Variants in GRSF1 observed in about 807,000 individuals in gnomAD.
GRSF1 encodes G-rich sequence factor 1.
Under a neutral mutation model 51.1 loss-of-function variants are expected in GRSF1, and 50 were observed. The ratio of observed to expected loss-of-function variants is 0.98; its 90% CI spans 0.78 to 1.24. The LOEUF (loss-of-function observed/expected upper bound fraction) is 1.24, where lower values mean the gene tolerates loss of function less well. GRSF1 is among the 50% of genes most tolerant of loss of function. The pLI is 0.00. For missense variants in GRSF1, 700 were observed against 639.7 expected, an observed-to-expected ratio of 1.09 and a Z score of -1.02; for synonymous variants, 293 against 253.3, an observed-to-expected ratio of 1.16 and a Z score of -1.49.
intron 5 of GRSF1, among the ~76,000 whole-genome samples, chr4:70,830,873 CTGT>C (rs1733937078): frequency 6.6e-6 from 1 of 151,470 alleles, no homozygotes; most frequent in South Asian, 2.1e-4. Context: ...CTATTATGAA[CTGT>C]TATTAGATAA....
chr4:70,818,676 A>C lies in GRSF1; in HGVS notation c.*2211T>G, dbSNP rs899043410. The C allele has an allele frequency of 6.6e-6, 1 of 152,242 alleles. No individual in the cohort carries two copies. The highest frequency in any genetic ancestry group is 1.5e-5 in the Non-Finnish European group (1 of 68,054). 9.4% of individuals were successfully genotyped at this position (152,242 alleles called of 1,614,324 possible). A position where few individuals can be genotyped will look rare whatever the true frequency, so the allele number is the denominator to read the frequency against. On this transcript the variant is annotated 3_prime_UTR_variant, in exon 10 of 10. Transcript: ENST00000254799. ...CTGGTATTTACATACTGCTTCTCAG[A>C]GTTCTCCCTTGCACTCCGTAAGCAG...
In GRSF1 at chr4:70,816,998, A is replaced by G. The variant is rs1423948717; in HGVS notation, c.*3889T>C. 2 of 152,144 alleles carry G rather than the reference A, an allele frequency of 1.3e-5. No homozygotes were observed. Among genetic ancestry groups the G allele is most frequent in the Middle Eastern group, 3.2e-3 (1 of 316 alleles). The allele number at this position is 152,144 out of a possible 1,614,324, so 9.4% of individuals were successfully genotyped here. A position where few individuals can be genotyped will look rare whatever the true frequency, so the allele number is the denominator to read the frequency against. On this transcript the variant is annotated 3_prime_UTR_variant, in exon 10 of 10. Coordinates refer to ENST00000254799, the MANE Select transcript of GRSF1 (RefSeq NM_002092.4). ...CAAAATAGCATGTACAGTATAATTT[A>G]TATTTTTAAAAGAAATGACAACACC...
chr4:70,839,135 G>A (rs747074914), intron 1 of GRSF1: 16 of 1,312,718 alleles, frequency 1.2e-5, no homozygotes, highest in South Asian at 9.9e-5. Flanking sequence ...CGGAAAGCAA[G>A]AAGATGCGAG....
Position 70,839,878 on chromosome 4 carries a change from G to A in GRSF1, c.-51C>T, listed in dbSNP as rs1734399722. The A allele has an allele frequency of 4.2e-6, 6 of 1,421,882 alleles. No homozygotes were observed. Among genetic ancestry groups the A allele is most frequent in the Non-Finnish European group, 2.7e-6 (3 of 1,095,654 alleles). The allele number at this position is 1,421,882 out of a possible 1,614,324, so 88.1% of individuals were successfully genotyped here. On this transcript the variant is annotated 5_prime_UTR_variant, in exon 1 of 10. Coordinates refer to ENST00000254799, the MANE Select transcript of GRSF1 (RefSeq NM_002092.4). Reference sequence around the variant, plus strand: ...GAAGGCAGCTGCTCCAGCAGCGATGGTGGAACGGAAGTGGAATCCAGGGCC... The same window carrying A: ...GAAGGCAGCTGCTCCAGCAGCGATGATGGAACGGAAGTGGAATCCAGGGCC...
In GRSF1 at chr4:70,833,156, T is replaced by C. The variant is rs754537420; in HGVS notation, c.632A>G (p.Glu211Gly). The change falls in exon 3 of 10, where the codon GAG becomes GGG. Residue 211 changes from glutamate to glycine, a missense_variant. Glu to Gly is a moderately conservative substitution (Grantham distance 98). Transcript: ENST00000254799. ...ESEQDVQKAL[E>G]KHRMYMGQRY... is the part of the protein sequence containing the mutation. ...CTGGCCCATGTACATGCGGTGCTTCTCTAAGGCTTTCTGCACATCCTGCTC... is the reference window on the plus strand; with the variant it reads ...CTGGCCCATGTACATGCGGTGCTTCCCTAAGGCTTTCTGCACATCCTGCTC... 7.4e-6 allele frequency: 12 copies of C among 1,613,884 alleles called. No homozygotes were observed. Among genetic ancestry groups the C allele is most frequent in the Non-Finnish European group, 1.0e-5 (12 of 1,179,872 alleles).
In GRSF1 at chr4:70,830,445, T is replaced by C. The variant is rs1243818840; in HGVS notation, c.950+1094A>G. 3.5e-5 allele frequency among the ~76,000 whole-genome samples: 5 copies of C among 142,330 alleles called. No individual in the cohort carries two copies. In the South Asian group the frequency reaches 6.8e-4, roughly 19 times the overall value. 93.4% of individuals were successfully genotyped at this position (142,330 alleles called of 152,430 possible). ...GGGTGACAGAATAAGACCCTGTGTCTTAAAAAAAAAAAAAAAACACACACA... is the reference window on the plus strand; with the variant it reads ...GGGTGACAGAATAAGACCCTGTGTCCTAAAAAAAAAAAAAAAACACACACA... On this transcript the variant is annotated intron_variant, in intron 5 of 9. Coordinates refer to ENST00000254799, the MANE Select transcript of GRSF1 (RefSeq NM_002092.4).
intron 9 of GRSF1, among the ~76,000 whole-genome samples, chr4:70,821,409 G>C (rs777863568): frequency 1.4e-5 from 2 of 145,808 alleles, no homozygotes; most frequent in Non-Finnish European, 3.0e-5. Flanking sequence ...TGGGCAACGA[G>C]AGAAACTCCG....
chr4:70,839,514 G>T lies in GRSF1; in HGVS notation c.314C>A (p.Ser105Ter). ...SALRASLLPQ[S>*]LAAAAAVPTR... ...CGGGACGGCGGCCGCCGCCGCCAGCGACTGCGGCAGCAGAGAGGCACGGAG... is the reference window on the plus strand; with the variant it reads ...CGGGACGGCGGCCGCCGCCGCCAGCTACTGCGGCAGCAGAGAGGCACGGAG... Residue 105 changes from serine to a stop codon, truncating the protein, a stop_gained, in exon 1 of 10, where the codon TCG becomes TAG. Transcript: ENST00000254799. LOFTEE classifies it high-confidence loss of function. 4 of 1,433,922 alleles carry T rather than the reference G, an allele frequency of 2.8e-6. No individual in the cohort carries two copies. The highest frequency in any genetic ancestry group is 1.4e-5 in the South Asian group (1 of 72,882). The allele number at this position is 1,433,922 out of a possible 1,614,324, so 88.8% of individuals were successfully genotyped here. A position where few individuals can be genotyped will look rare whatever the true frequency, so the allele number is the denominator to read the frequency against.
upstream of GRSF1, chr4:70,840,025 G>T (rs543162902): frequency 3.6e-4 from 184 of 510,012 alleles, no homozygotes; most frequent in African/African-American, 3.6e-3. Context: ...GGGCGGGGCT[G>T]CCCATGGTTT....
chr4:70,836,659 C>T (rs1734225667), intron 1 of GRSF1, among the ~76,000 whole-genome samples: 2 of 151,904 alleles, frequency 1.3e-5, no homozygotes, highest in Admixed American at 6.6e-5. Context: ...CAGTGTTTGC[C>T]GCCCTCATCT....
chr4:70,822,950 A>C (rs998660552), intron 9 of GRSF1, among the ~76,000 whole-genome samples: 1 of 152,082 alleles, frequency 6.6e-6, no homozygotes, highest in Non-Finnish European at 1.5e-5. Context: ...CAAAAAAATT[A>C]GCCAGGCATT....
Position 70,827,999 on chromosome 4 carries a change from G to A in GRSF1, c.988C>T (p.Arg330Ter), listed in dbSNP as rs550281419. 4 of 1,613,424 alleles carry A rather than the reference G, an allele frequency of 2.5e-6. No individual in the cohort carries two copies. The highest frequency in any genetic ancestry group is 1.3e-5 in the African/African-American group (1 of 75,016). Residue 330 changes from arginine to a stop codon, truncating the protein, a stop_gained, in exon 6 of 10, where the codon CGA (arginine) becomes TGA (stop). Coordinates refer to ENST00000254799, the MANE Select transcript of GRSF1 (RefSeq NM_002092.4). LOFTEE classifies it high-confidence loss of function. Reference sequence around the variant, plus strand: ...CCCTTATAAGAACCGACATGTGTTCGAACTTCATTCCTTCTGCTTGGAAAT... The same window carrying A: ...CCCTTATAAGAACCGACATGTGTTCAAACTTCATTCCTTCTGCTTGGAAAT... ...EIFPSRRNEV[R>*]THVGSYKGKK...
At position 70,819,628 on chromosome 4, in the gene GRSF1, A is replaced by G. The variant is rs1733430749; in HGVS notation, c.*1259T>C. 6.6e-6 allele frequency: 1 copy of G among 152,630 alleles called. No homozygotes were observed. Among genetic ancestry groups the G allele is most frequent in the Non-Finnish European group, 1.5e-5 (1 of 68,038 alleles). 9.5% of individuals were successfully genotyped at this position (152,630 alleles called of 1,614,324 possible). On this transcript the variant is annotated 3_prime_UTR_variant, in exon 10 of 10. Coordinates refer to ENST00000254799, the MANE Select transcript of GRSF1 (RefSeq NM_002092.4). ...GGTTATGTATTAAGTAAGAGAAGAC[A>G]TAGTCTCTCTTCCAGGTATCACCTG...
rs1733319784 is a variant in GRSF1, at chr4:70,816,632, G to A, written c.*4255C>T. 6.6e-6 allele frequency: 1 copy of A among 152,370 alleles called. No homozygotes were observed. Among genetic ancestry groups the A allele is most frequent in the Non-Finnish European group, 1.5e-5 (1 of 68,080 alleles). The allele number at this position is 152,370 out of a possible 1,614,324, so 9.4% of individuals were successfully genotyped here. Reference sequence around the variant, plus strand: ...CCAGCTACTCGGGAATCTGAGGCATGAGAATTGCTTGAAACTGGGAGGTGG... The same window carrying A: ...CCAGCTACTCGGGAATCTGAGGCATAAGAATTGCTTGAAACTGGGAGGTGG... On this transcript the variant is annotated 3_prime_UTR_variant, in exon 10 of 10. Transcript: ENST00000254799.
intron 8 of GRSF1, among the ~76,000 whole-genome samples, chr4:70,824,852 C>T (rs1027425513): frequency 4.6e-5 from 7 of 152,150 alleles, no homozygotes; most frequent in Admixed American, 6.5e-5. Context: ...CCTGTAATCC[C>T]GGCACTTTGG....
intron 9 of GRSF1, 97 bp downstream of exon 9, chr4:70,824,197 T>G: frequency 1.9e-6 from 1 of 539,842 alleles, no homozygotes; most frequent in Non-Finnish European, 3.5e-6. Context: ...CTTGAACTCC[T>G]GACCTCAGGT....
chr4:70,821,531 G>A (rs866358536), intron 9 of GRSF1, among the ~76,000 whole-genome samples: 7 of 151,530 alleles, frequency 4.6e-5, no homozygotes, highest in Non-Finnish European at 8.8e-5. Context: ...GCTTGAACCC[G>A]GGGGGCGGAG....
upstream of GRSF1, among the ~76,000 whole-genome samples, chr4:70,840,793 G>A (rs549045184): frequency 6.6e-6 from 1 of 152,156 alleles, no homozygotes; most frequent in Admixed American, 6.6e-5. Flanking sequence ...TTAGGTTAGG[G>A]CCATCCTGCT....
chr4:70,830,955 A>T (rs937823207), intron 5 of GRSF1, among the ~76,000 whole-genome samples: 1 of 152,214 alleles, frequency 6.6e-6, no homozygotes, highest in Non-Finnish European at 1.5e-5. Context: ...AAAGATGCAT[A>T]CTAAAAAAAA....
Sources: allele counts gnomAD v4.1 joint callset (sites outside exome capture counted in the v4.1 genomes callset), GRCh38; gene constraint gnomAD v4.1.1; transcripts MANE v1.5; gene names NCBI Gene and HGNC (gene_info 2026-07-23, HGNC 2026-07-21).